RNPEP: variants seen among roughly 807,000 people sequenced by gnomAD.
RNPEP encodes arginyl aminopeptidase, also known as aminopeptidase B.
Under a neutral mutation model 70.1 loss-of-function variants are expected in RNPEP, and 57 were observed. The observed-to-expected ratio is 0.81, with a 90% CI of 0.66 to 1.01. The LOEUF is 1.01. Among genes scored for constraint, RNPEP ranks in the 50% least tolerant of loss-of-function variants. RNPEP has a pLI of 0.00. For missense variants in RNPEP, 787 were observed against 852.4 expected, an observed-to-expected ratio of 0.92 and a Z score of 0.96; for synonymous variants, 335 against 357.4, an observed-to-expected ratio of 0.94 and a Z score of 0.71.
At chr1:202,003,053 T>G (rs1683895728) in intron 8 of RNPEP, 184 bp from the exon 9 acceptor site, 1 of 589,222 alleles carries the variant, frequency 1.7e-6, no homozygotes, top group Non-Finnish European at 3.0e-6. Context: ...CGGCACAGTC[T>G]CTAGATGTCG....
At chr1:201,994,038 G>A (rs1384805961) in intron 3 of RNPEP, among the ~76,000 whole-genome samples, 1 of 151,716 alleles carries the variant, frequency 6.6e-6, no homozygotes. Flanking sequence ...TTTAGCCCTT[G>A]CCTTCATGTT....
At chr1:201,983,950 T>G (rs998983194) in intron 1 of RNPEP, 2 of 866,296 alleles carry the variant, frequency 2.3e-6, no homozygotes, top group South Asian at 5.1e-5. Context: ...TTTATTTATT[T>G]GAGGCAGAGT....
At chr1:201,983,974 A>T in intron 1 of RNPEP, 1 of 694,460 alleles carries the variant, frequency 1.4e-6, no homozygotes, top group African/African-American at 1.9e-5. Flanking sequence ...ACTCTCGTCC[A>T]GGCTGGAGTG....
chr1:202,002,489 TC>T (rs1683867414), intron 8 of RNPEP, among the ~76,000 whole-genome samples: 1 of 152,124 alleles, frequency 6.6e-6, no homozygotes, highest in Non-Finnish European at 1.5e-5. Flanking sequence ...AGGTACCACT[TC>T]CAAAGAAAAA....
intron 1 of RNPEP, among the ~76,000 whole-genome samples, chr1:201,986,000 T>G (rs974723011): frequency 6.6e-6 from 1 of 152,200 alleles, no homozygotes; most frequent in South Asian, 2.1e-4. Context: ...CAATCATGGC[T>G]CACTGCAGCC....
intron 9 of RNPEP, among the ~76,000 whole-genome samples, 181 bp from the exon 10 acceptor site, chr1:202,004,173 G>A (rs183473744): frequency 1.5e-3 from 224 of 152,128 alleles, no homozygotes; most frequent in African/African-American, 4.3e-3. Flanking sequence ...ACAGGCGTGC[G>A]CCACCACACC....
At chr1:201,985,496 A>G (rs10465589) in intron 1 of RNPEP, among the ~76,000 whole-genome samples, 40,822 of 152,006 alleles carry the variant, frequency 0.27, 5,617 homozygotes, top group South Asian at 0.39. Context: ...GGTTCAAGCC[A>G]TCTGCCCGCT....
At chr1:201,983,544 T>G in intron 1 of RNPEP, 1 of 1,313,132 alleles carries the variant, frequency 7.6e-7, no homozygotes, top group Non-Finnish European at 1.0e-6. Flanking sequence ...ACCTTATCTC[T>G]GCTTTATGGT....
rs755053051 is a variant in RNPEP at position 201,996,049 on chromosome 1, C to G, written c.738-98C>G. On this transcript the variant is annotated intron_variant, in intron 3 of 10. Coordinates refer to ENST00000295640, the MANE Select transcript of RNPEP (RefSeq NM_020216.4). ...CTGTGGCTGACTGCATTGTCACATT[C>G]ACTTGGCGGAGGCCAATTTCCTACA... The G allele has an allele frequency of 5.7e-6, 5 of 872,792 alleles. No homozygotes were observed. In the African/African-American group the frequency reaches 6.7e-5, roughly 12 times the overall value. 54.1% of individuals were successfully genotyped at this position (872,792 alleles called of 1,614,324 possible).
chr1:201,998,622 C>G (rs1332126409), intron 5 of RNPEP, among the ~76,000 whole-genome samples: 2 of 152,106 alleles, frequency 1.3e-5, no homozygotes, highest in Non-Finnish European at 2.9e-5. Flanking sequence ...AAATTCTGTA[C>G]TTTCATTCAG....
At position 201,997,766 on chromosome 1, in the gene RNPEP, G is replaced by GTTTTT. The variant is rs10625357; in HGVS notation, c.1090+222_1090+226dup. 3.3e-3 allele frequency among the ~76,000 whole-genome samples: 454 copies of GTTTTT among 139,158 alleles called. 15 individuals are homozygous for GTTTTT. Among genetic ancestry groups the GTTTTT allele is most frequent in the African/African-American group, 4.2e-3 (159 of 37,472 alleles). The allele number at this position is 139,158 out of a possible 152,430, so 91.3% of individuals were successfully genotyped here. On this transcript the variant is annotated intron_variant, in intron 5 of 10. Coordinates refer to ENST00000295640, the MANE Select transcript of RNPEP (RefSeq NM_020216.4). ...AAAAAAACATTTCCCCAGGTCATTA[G>GTTTTT]TTTTTTTTTTTTTTGAGACAGAGTT...
intron 9 of RNPEP, among the ~76,000 whole-genome samples, chr1:202,004,095 G>A (rs746001717): frequency 6.6e-6 from 1 of 152,178 alleles, no homozygotes; most frequent in Non-Finnish European, 1.5e-5. Context: ...TTGGCTCACA[G>A]CAACCTCCAC....
intron 4 of RNPEP, 81 bp downstream of exon 4, chr1:201,996,344 AC>A (rs1457131278): frequency 1.0e-6 from 1 of 983,860 alleles, no homozygotes; most frequent in African/African-American, 1.6e-5. Context: ...TGGCTTTTCC[AC>A]CTCCTGCCTC....
At chr1:202,005,097 A>G (rs574856456) in intron 10 of RNPEP, among the ~76,000 whole-genome samples, 28 of 152,296 alleles carry the variant, frequency 1.8e-4, no homozygotes, top group African/African-American at 6.3e-4. Flanking sequence ...TCTGGATTTT[A>G]GGAACTTGTG....
intron 6 of RNPEP, chr1:202,001,085 A>G (rs899242049): frequency 2.1e-5 from 8 of 373,474 alleles, no homozygotes; most frequent in Admixed American, 1.3e-4. Context: ...TCTTCATATT[A>G]GATCCACAGT....
intron 3 of RNPEP, among the ~76,000 whole-genome samples, chr1:201,991,362 C>T (rs1683327803): frequency 6.6e-6 from 1 of 152,166 alleles, no homozygotes; most frequent in Admixed American, 6.5e-5. Flanking sequence ...ATCCATCCAC[C>T]TCGGCCTCCC....
intron 10 of RNPEP, among the ~76,000 whole-genome samples, chr1:202,005,002 C>T (rs77910772): frequency 0.018 from 2,711 of 152,266 alleles, 79 homozygotes; most frequent in African/African-American, 0.061. Flanking sequence ...GGGGCTGGAC[C>T]GGAGACGAAG....
chr1:201,983,333 A>G (rs1683008775), intron 1 of RNPEP: 20 of 1,466,040 alleles, frequency 1.4e-5, no homozygotes, highest in Non-Finnish European at 1.8e-5. Context: ...TCCTCCAGCC[A>G]CTGGGCGGTG....
Position 201,983,047 on chromosome 1 carries a change from G to A in RNPEP, c.381G>A (p.Pro127=), listed in dbSNP as rs1571616592. The part of the protein sequence containing the change: ...HYGQALCVSF[P]QPCRAAERLQ... ...GCCAGGCCCTGTGCGTGTCCTTCCCGCAGCCCTGCCGCGCCGCCGAGCGCC... is the reference window on the plus strand; with the variant it reads ...GCCAGGCCCTGTGCGTGTCCTTCCCACAGCCCTGCCGCGCCGCCGAGCGCC... Residue 127 remains proline, a synonymous_variant, in exon 1 of 11, where the codon CCG becomes CCA. Coordinates refer to ENST00000295640, the MANE Select transcript of RNPEP (RefSeq NM_020216.4). 2 of 1,527,160 alleles carry A rather than the reference G, an allele frequency of 1.3e-6. No individual in the cohort carries two copies. Among genetic ancestry groups the A allele is most frequent in the Non-Finnish European group, 1.8e-6 (2 of 1,141,008 alleles). 94.6% of individuals were successfully genotyped at this position (1,527,160 alleles called of 1,614,324 possible). A position where few individuals can be genotyped will look rare whatever the true frequency, so the allele number is the denominator to read the frequency against.
Sources: gnomAD v4.1 joint callset for allele counts (sites outside exome capture counted in the v4.1 genomes callset) on GRCh38, gnomAD v4.1.1 for gene constraint, MANE v1.5 for transcripts, NCBI Gene and HGNC (gene_info 2026-07-23, HGNC 2026-07-21) for gene names.